ROBO2: variants seen among roughly 807,000 people sequenced by gnomAD.
ROBO2 encodes roundabout guidance receptor 2.
In ROBO2, 53 loss-of-function variants were observed where a neutral mutation model predicts 160.8. The observed-to-expected ratio is 0.33, with a 90% CI of 0.26 to 0.41. The LOEUF (loss-of-function observed/expected upper bound fraction) is 0.41, where lower values mean the gene tolerates loss of function less well. ROBO2 is among the 10% of genes least tolerant of loss of function. The pLI, the probability that ROBO2 is intolerant of heterozygous loss-of-function variation, is 1.00. For missense variants in ROBO2, 1,577 were observed against 1,722.4 expected, an observed-to-expected ratio of 0.92 and a Z score of 1.49; for synonymous variants, 664 against 611.7, an observed-to-expected ratio of 1.09 and a Z score of -1.26.
intron 2 of ROBO2, among the ~76,000 whole-genome samples, chr3:76,526,654 C>CCCAATGCACTTACCACCCTA (rs2081963128): frequency 6.6e-6 from 1 of 151,904 alleles, no homozygotes; most frequent in Non-Finnish European, 1.5e-5. Flanking sequence ...AATTTTCTCT[C>CCCAATGCACTTACCACCCTA]CCAATGCAGG....
At chr3:77,036,498 G>A (rs1224829380), upstream of ROBO2, among the ~76,000 whole-genome samples, 1 of 151,870 alleles carries the variant, frequency 6.6e-6, no homozygotes, top group Non-Finnish European at 1.5e-5. Context: ...TCCTTCATAT[G>A]GTTATTTTAT....
intron 24 of ROBO2, among the ~76,000 whole-genome samples, chr3:77,637,321 G>T (rs567572125): frequency 6.6e-6 from 1 of 152,294 alleles, no homozygotes; most frequent in East Asian, 1.9e-4. Flanking sequence ...TTGGGGAAGG[G>T]AGTATCCAAT....
At chr3:75,995,637 G>A (rs905712467) in intron 2 of ROBO2, among the ~76,000 whole-genome samples, 2 of 152,040 alleles carry the variant, frequency 1.3e-5, no homozygotes, top group African/African-American at 4.8e-5. Flanking sequence ...GCTGTGAGAA[G>A]AGGTCTACAG....
intron 2 of ROBO2, among the ~76,000 whole-genome samples, chr3:76,891,396 A>G (rs2074334722): frequency 6.6e-6 from 1 of 152,198 alleles, no homozygotes; most frequent in Non-Finnish European, 1.5e-5. Flanking sequence ...AAATCTATGC[A>G]AAACCATCAG....
intron 2 of ROBO2, among the ~76,000 whole-genome samples, chr3:76,265,072 T>C (rs1474635666): frequency 6.6e-6 from 1 of 152,156 alleles, no homozygotes; most frequent in Non-Finnish European, 1.5e-5. Flanking sequence ...CCAGTTGTTA[T>C]GGCCTTACAT....
chr3:77,424,609 C>G (rs2078007081), intron 2 of ROBO2, among the ~76,000 whole-genome samples: 1 of 152,156 alleles, frequency 6.6e-6, no homozygotes, highest in Middle Eastern at 3.2e-3. Context: ...TTCTAATTTA[C>G]TGAAGCAACT....
intron 5 of ROBO2, among the ~76,000 whole-genome samples, chr3:77,509,652 C>T (rs915256675): frequency 3.3e-5 from 5 of 152,102 alleles, no homozygotes; most frequent in African/African-American, 9.7e-5. Flanking sequence ...TCAAAATATA[C>T]TGTGTGATGT....
At chr3:77,590,793 CT>C (rs1014283225) in intron 17 of ROBO2, among the ~76,000 whole-genome samples, 5 of 151,882 alleles carry the variant, frequency 3.3e-5, no homozygotes, top group African/African-American at 4.8e-5. Context: ...GACTTTTCTT[CT>C]TTTTTTTAAC....
chr3:75,938,680 A>G (rs977271598), intron 2 of ROBO2, among the ~76,000 whole-genome samples: 17 of 152,172 alleles, frequency 1.1e-4, no homozygotes, highest in Non-Finnish European at 1.3e-4. Flanking sequence ...CAAAAAGAGC[A>G]GTTTTCTTGC....
At chr3:76,755,505 A>G (rs966989423) in intron 2 of ROBO2, among the ~76,000 whole-genome samples, 8 of 151,952 alleles carry the variant, frequency 5.3e-5, no homozygotes, top group African/African-American at 1.9e-4. Flanking sequence ...CTTAAAGCGT[A>G]ACTAAAACAG....
intron 2 of ROBO2, among the ~76,000 whole-genome samples, chr3:77,318,134 G>T (rs181851441): frequency 2.0e-5 from 3 of 151,872 alleles, no homozygotes; most frequent in South Asian, 2.1e-4. Context: ...TGCAACCTCC[G>T]CCTCCCGAGT....
chr3:76,330,738 T>A (rs914321786), intron 2 of ROBO2, among the ~76,000 whole-genome samples: 1 of 152,206 alleles, frequency 6.6e-6, no homozygotes, highest in African/African-American at 2.4e-5. Context: ...ATATTACATA[T>A]AAATGAAAAT....
chr3:75,954,126 T>G (rs1485814522), intron 2 of ROBO2, among the ~76,000 whole-genome samples: 2 of 151,876 alleles, frequency 1.3e-5, no homozygotes, highest in Non-Finnish European at 2.9e-5. Context: ...GTCAAAAGGA[T>G]ATCATGTACC....
chr3:76,368,921 C>G (rs2075966677), intron 2 of ROBO2, among the ~76,000 whole-genome samples: 1 of 151,972 alleles, frequency 6.6e-6, no homozygotes, highest in African/African-American at 2.4e-5. Flanking sequence ...GTTTTATTCC[C>G]TTCCCCAATG....
intron 2 of ROBO2, among the ~76,000 whole-genome samples, chr3:76,849,157 A>C (rs972089633): frequency 1.3e-5 from 2 of 152,198 alleles, no homozygotes; most frequent in Non-Finnish European, 2.9e-5. Context: ...TAATGTAGAT[A>C]GTAAATATGC....
At chr3:77,196,817 C>T (rs62251821) in intron 2 of ROBO2, among the ~76,000 whole-genome samples, 3,236 of 151,694 alleles carry the variant, frequency 0.021, 47 homozygotes, top group Middle Eastern at 0.052. Context: ...CCTGATTAAG[C>T]AAAATCAGGT....
intron 2 of ROBO2, chr3:77,316,992 G>T: frequency 6.6e-7 from 1 of 1,516,400 alleles, no homozygotes. Context: ...GATTGACAGC[G>T]GTCTCCAACT....
At chr3:76,252,065 C>G (rs773760258) in intron 2 of ROBO2, among the ~76,000 whole-genome samples, 4 of 151,920 alleles carry the variant, frequency 2.6e-5, no homozygotes, top group Non-Finnish European at 4.4e-5. Flanking sequence ...AAATGTCACC[C>G]ACAGGTAGAC....
chr3:76,186,397 G>A (rs1241755717), intron 2 of ROBO2, among the ~76,000 whole-genome samples: 4 of 151,990 alleles, frequency 2.6e-5, no homozygotes, highest in African/African-American at 9.7e-5. Flanking sequence ...CCCTCAATTA[G>A]TGATCAGTTC....
Sources: gnomAD v4.1 joint callset for allele counts (sites outside exome capture counted in the v4.1 genomes callset) on GRCh38, gnomAD v4.1.1 for gene constraint, MANE v1.5 for transcripts, NCBI Gene and HGNC (gene_info 2026-07-23, HGNC 2026-07-21) for gene names.